The following RNLS variants were observed in gnomAD, a reference collection of about 807,000 sequenced individuals.
The protein encoded by RNLS is renalase, FAD dependent amine oxidase.
Under a neutral mutation model 39.8 loss-of-function variants are expected in RNLS, and 39 were observed. The observed-to-expected ratio is 0.98, with a 90% CI of 0.76 to 1.28. The LOEUF (loss-of-function observed/expected upper bound fraction) is 1.28, where lower values mean the gene tolerates loss of function less well. Ranked by LOEUF, RNLS falls within the 50% of genes most tolerant of loss-of-function variation. The pLI is 0.00. For missense variants in RNLS, 410 were observed against 413.3 expected, an observed-to-expected ratio of 0.99 and a Z score of 0.07; for synonymous variants, 147 against 150.7, an observed-to-expected ratio of 0.98 and a Z score of 0.18.
At chr10:88,386,452 C>T (rs1159789375) in intron 4 of RNLS, among the ~76,000 whole-genome samples, 1 of 152,226 alleles carries the variant, frequency 6.6e-6, no homozygotes, top group Admixed American at 6.5e-5. Context: ...CTTTCTGCCA[C>T]TTCTCTGGTC....
At chr10:88,286,981 G>A (rs1230696662) in intron 6 of RNLS, among the ~76,000 whole-genome samples, 1 of 151,666 alleles carries the variant, frequency 6.6e-6, no homozygotes, top group Non-Finnish European at 1.5e-5. Context: ...TAGAGATGGG[G>A]TCTCACTATG....
chr10:88,551,623 T>A (rs1391537120), intron 4 of RNLS, among the ~76,000 whole-genome samples: 2 of 152,068 alleles, frequency 1.3e-5, no homozygotes, highest in Non-Finnish European at 1.5e-5. Context: ...ACACATGAAT[T>A]TTTCAAAAAA....
the RNLS span, among the ~76,000 whole-genome samples, chr10:88,198,019 A>C: frequency 3.2e-4 from 49 of 152,346 alleles, no homozygotes; most frequent in Non-Finnish European, 6.6e-4. Flanking sequence ...GAATACTATC[A>C]TCTCCATTTT....
intron 4 of RNLS, among the ~76,000 whole-genome samples, chr10:88,558,691 G>C (rs1590016493): frequency 6.6e-6 from 1 of 152,052 alleles, no homozygotes; most frequent in East Asian, 1.9e-4. Flanking sequence ...CTTAGAGAAA[G>C]AAAGATTAAG....
the RNLS span, among the ~76,000 whole-genome samples, chr10:88,178,643 T>C: frequency 6.6e-6 from 1 of 152,262 alleles, no homozygotes; most frequent in Admixed American, 6.5e-5. Context: ...ACTTTCTTGC[T>C]GGATTCCAGT....
chr10:88,298,310 T>A (rs1435449284), intron 6 of RNLS, among the ~76,000 whole-genome samples: 1 of 152,188 alleles, frequency 6.6e-6, no homozygotes, highest in Non-Finnish European at 1.5e-5. Context: ...TGATAATACT[T>A]TGATGAACAA....
At chr10:88,176,003 A>G in the RNLS span, among the ~76,000 whole-genome samples, 1 of 151,356 alleles carries the variant, frequency 6.6e-6, no homozygotes, top group African/African-American at 2.4e-5. Flanking sequence ...GTCTCTTTTT[A>G]TGTTTTTGAT....
chr10:88,392,182 C>T (rs1779868867), intron 4 of RNLS, among the ~76,000 whole-genome samples: 1 of 152,188 alleles, frequency 6.6e-6, no homozygotes, highest in Non-Finnish European at 1.5e-5. Context: ...TTGCCTGAGG[C>T]AGTACATAAG....
intron 4 of RNLS, among the ~76,000 whole-genome samples, chr10:88,470,471 G>A (rs2133975272): frequency 6.6e-6 from 1 of 152,190 alleles, no homozygotes; most frequent in East Asian, 1.9e-4. Context: ...ATCACTTAGT[G>A]TATTTGGGAG....
chr10:88,247,152 A>C, the RNLS span, among the ~76,000 whole-genome samples: 1 of 152,150 alleles, frequency 6.6e-6, no homozygotes, highest in African/African-American at 2.4e-5. Context: ...AAGCTGGAGG[A>C]GGGCAGAGCC....
chr10:88,552,524 T>G (rs1378834467), intron 4 of RNLS, among the ~76,000 whole-genome samples: 24 of 152,174 alleles, frequency 1.6e-4, no homozygotes, highest in Non-Finnish European at 2.9e-5. Context: ...TAACAGCAAA[T>G]GTAAAAGGTA....
chr10:88,322,917 T>A (rs185494587), intron 5 of RNLS, among the ~76,000 whole-genome samples: 1 of 152,132 alleles, frequency 6.6e-6, no homozygotes, highest in African/African-American at 2.4e-5. Context: ...CTAGACCTGA[T>A]AAATGACTTC....
At chr10:88,516,573 T>A (rs1273861371) in intron 4 of RNLS, among the ~76,000 whole-genome samples, 1 of 152,028 alleles carries the variant, frequency 6.6e-6, no homozygotes, top group African/African-American at 2.4e-5. Flanking sequence ...TGGCTATATT[T>A]CATTGTTGAG....
At chr10:88,172,934 G>A in the RNLS span, among the ~76,000 whole-genome samples, 1 of 134,530 alleles carries the variant, frequency 7.4e-6, no homozygotes, top group South Asian at 2.4e-4. Context: ...TCGGCTCACT[G>A]CAACCTCCAC....
chr10:88,341,329 C>CAAAAAA (rs755002114), intron 5 of RNLS, among the ~76,000 whole-genome samples: 14 of 50,558 alleles, frequency 2.8e-4, no homozygotes, highest in South Asian at 1.4e-3. Context: ...AACTCCATCT[C>CAAAAAA]AAAAAAAAAA....
chr10:88,329,677 A>T (rs1400940186), intron 5 of RNLS, among the ~76,000 whole-genome samples: 1 of 150,526 alleles, frequency 6.6e-6, no homozygotes, highest in Non-Finnish European at 1.5e-5. Flanking sequence ...ATTTTGATCT[A>T]TTTTCAGTAT....
intron 4 of RNLS, among the ~76,000 whole-genome samples, chr10:88,485,287 T>C (rs746617506): frequency 4.6e-5 from 7 of 151,870 alleles, no homozygotes; most frequent in Non-Finnish European, 8.8e-5. Context: ...TGGGATAGAG[T>C]AGAGAGTCCG....
At chr10:88,258,391 C>T in the RNLS span, among the ~76,000 whole-genome samples, 1 of 152,124 alleles carries the variant, frequency 6.6e-6, no homozygotes, top group Non-Finnish European at 1.5e-5. Context: ...TCTTTGGAGT[C>T]CGTTTTGAAC....
chr10:88,527,752 G>GGGTC (rs1847192293), intron 4 of RNLS, among the ~76,000 whole-genome samples: 1 of 151,596 alleles, frequency 6.6e-6, no homozygotes, highest in African/African-American at 2.4e-5. Flanking sequence ...GGACAGCCAA[G>GGGTC]GGTCACCCAT....
Sources: allele counts gnomAD v4.1 joint callset (sites outside exome capture counted in the v4.1 genomes callset), GRCh38; gene constraint gnomAD v4.1.1; transcripts MANE v1.5; gene names NCBI Gene and HGNC (gene_info 2026-07-23, HGNC 2026-07-21).